Variants in VPS13B observed in about 807,000 individuals in gnomAD.
VPS13B encodes the protein intermembrane lipid transfer protein VPS13B.
In VPS13B, 285 loss-of-function variants were observed where a neutral mutation model predicts 426.4. The observed-to-expected ratio is 0.67, with a 90% CI of 0.61 to 0.74. The LOEUF (loss-of-function observed/expected upper bound fraction) is 0.74. VPS13B is among the 30% of genes least tolerant of loss of function. VPS13B has a pLI of 0.00. For synonymous variants in VPS13B, 1,676 were observed against 1,676.4 expected (o/e 1.00, Z 0.01); for missense variants, 4,537 against 4,782.6 (o/e 0.95, Z 1.51).
intron 39 of VPS13B, among the ~76,000 whole-genome samples, chr8:99,722,193 C>T (rs1354421683): frequency 3.3e-5 from 5 of 152,168 alleles, no homozygotes; most frequent in African/African-American, 7.2e-5. Context: ...CCTTGGTCTT[C>T]GTCAGTCAGG....
intron 23 of VPS13B, among the ~76,000 whole-genome samples, chr8:99,451,965 A>G (rs1818215585): frequency 6.6e-6 from 1 of 152,128 alleles, no homozygotes; most frequent in Non-Finnish European, 1.5e-5. Context: ...AGTAATTTGA[A>G]ATTCCTCTCC....
chr8:99,665,718 A>C lies in VPS13B; in HGVS notation c.6046+4227A>C, dbSNP rs578190497. Among the ~76,000 whole-genome samples, 54 of 152,214 alleles carry C rather than the reference A, an allele frequency of 3.5e-4. 1 individual carries two copies. The highest frequency in any genetic ancestry group is 1.3e-3 in the African/African-American group (53 of 41,526). On this transcript the variant is annotated intron_variant, in intron 35 of 61. Coordinates refer to ENST00000357162, the MANE Select transcript of VPS13B (RefSeq NM_152564.5). ...CCAGTACCATGCTGTTTTGGTTACTATAGCCTTGTAGTATAGTTTGAAGTC... is the reference window on the plus strand; with the variant it reads ...CCAGTACCATGCTGTTTTGGTTACTCTAGCCTTGTAGTATAGTTTGAAGTC...
chr8:99,258,233 T>C (rs1022364830), intron 17 of VPS13B, among the ~76,000 whole-genome samples: 1 of 151,972 alleles, frequency 6.6e-6, no homozygotes, highest in Non-Finnish European at 1.5e-5. Context: ...TCTTTCCATA[T>C]GTGTTATGAA....
At chr8:99,364,388 T>C (rs1385491044) in intron 19 of VPS13B, among the ~76,000 whole-genome samples, 1 of 152,094 alleles carries the variant, frequency 6.6e-6, no homozygotes, top group Non-Finnish European at 1.5e-5. Flanking sequence ...TTGTTGAGGA[T>C]TTTTCCATCA....
chr8:99,184,384 GTCTGTCT>G (rs1813104952), intron 16 of VPS13B, among the ~76,000 whole-genome samples: 1 of 152,022 alleles, frequency 6.6e-6, no homozygotes, highest in East Asian at 1.9e-4. Flanking sequence ...ATTTGTTATT[GTCTGTCT>G]TTTTGATTAT....
In VPS13B at chr8:99,434,014, G is replaced by T. The variant is rs149446993; in HGVS notation, c.3210+2350G>T. 6.1e-3 allele frequency among the ~76,000 whole-genome samples: 925 copies of T among 152,094 alleles called. 13 individuals are homozygous for T. The highest frequency in any genetic ancestry group is 0.021 in the African/African-American group (880 of 41,482). On this transcript the variant is annotated intron_variant, in intron 22 of 61. Coordinates refer to ENST00000357162, the MANE Select transcript of VPS13B (RefSeq NM_152564.5). ...GTAGAGATGGGGTTTCACCATGTTG[G>T]CCAGGCTGGTCTAGAATTTCTGACC... is the stretch of plus-strand genomic sequence containing the variant.
At chr8:99,045,018 G>A (rs940416030) in intron 3 of VPS13B, among the ~76,000 whole-genome samples, 2 of 152,054 alleles carry the variant, frequency 1.3e-5, no homozygotes, top group African/African-American at 4.8e-5. Flanking sequence ...TTAAACCCAT[G>A]TGTGCAAGTA....
chr8:99,814,198 AAAT>A (rs1416626841), intron 44 of VPS13B, among the ~76,000 whole-genome samples: 1 of 152,218 alleles, frequency 6.6e-6, no homozygotes, highest in East Asian at 1.9e-4. Flanking sequence ...TTATTGGTGT[AAAT>A]AATAGTTCAT....
chr8:99,527,781 T>C (rs774251800), intron 30 of VPS13B: 4 of 152,186 alleles, frequency 2.6e-5, no homozygotes, highest in Admixed American at 2.6e-4. Context: ...GATGAAAATA[T>C]TTAAATATGT....
At chr8:99,726,956 T>A (rs1833376557) in intron 39 of VPS13B, among the ~76,000 whole-genome samples, 1 of 152,226 alleles carries the variant, frequency 6.6e-6, no homozygotes, top group Non-Finnish European at 1.5e-5. Context: ...TTATTTTTGC[T>A]CCAGTGGGCA....
chr8:99,663,805 AT>A (rs565730136), intron 35 of VPS13B, among the ~76,000 whole-genome samples: 2 of 152,186 alleles, frequency 1.3e-5, no homozygotes, highest in Non-Finnish European at 2.9e-5. Flanking sequence ...CACTTTGCTC[AT>A]TTTGGCTAGA....
At chr8:99,501,201 A>G (rs1336215899) in intron 25 of VPS13B, among the ~76,000 whole-genome samples, 1 of 152,216 alleles carries the variant, frequency 6.6e-6, no homozygotes, top group Non-Finnish European at 1.5e-5. Context: ...TAGAAGGGGT[A>G]GACAAATATT....
At chr8:99,187,064 T>C (rs1184638212) in intron 16 of VPS13B, among the ~76,000 whole-genome samples, 1 of 152,206 alleles carries the variant, frequency 6.6e-6, no homozygotes, top group Non-Finnish European at 1.5e-5. Context: ...GCTGTAGTTA[T>C]ATGAACATGG....
In VPS13B at chr8:99,817,402, C is replaced by T; in HGVS notation, c.8098-138C>T. ...TTCTTCTTGACTTCAAGTCTTTTTT[C>T]CTTCTTGTACTGTTTAAGCTAATTA... On this transcript the variant is annotated intron_variant, in intron 44 of 61. Transcript: ENST00000357162. 4.3e-6 allele frequency: 5 copies of T among 1,166,294 alleles called. No homozygotes were observed. The Admixed American group carries it at 8.1e-5, about 19-fold the overall frequency. The allele number at this position is 1,166,294 out of a possible 1,614,324, so 72.2% of individuals were successfully genotyped here. A position where few individuals can be genotyped will look rare whatever the true frequency, so the allele number is the denominator to read the frequency against.
At position 99,194,351 on chromosome 8, in the gene VPS13B, C is replaced by CT. The variant is rs1355481912; in HGVS notation, c.2515+1296dup. Among the ~76,000 whole-genome samples the CT allele has an allele frequency of 3.3e-5, 5 of 152,164 alleles. No homozygotes were observed. In the South Asian group the frequency reaches 8.3e-4, roughly 25 times the overall value. ...ATTTGTATCCTCTTTTTGAATTGAA[C>CT]TTACTGCTCCTGTCTAACTGAAACT... On this transcript the variant is annotated intron_variant, in intron 17 of 61. Transcript: ENST00000357162.
At chr8:99,873,860 A>G (rs1182596457) in intron 61 of VPS13B, among the ~76,000 whole-genome samples, 1 of 152,234 alleles carries the variant, frequency 6.6e-6, no homozygotes, top group African/African-American at 2.4e-5. Flanking sequence ...ATCCACAGAC[A>G]TGAGGAAGCC....
intron 16 of VPS13B, among the ~76,000 whole-genome samples, chr8:99,178,061 AATT>A (rs1347236575): frequency 6.6e-6 from 1 of 152,010 alleles, no homozygotes; most frequent in Non-Finnish European, 1.5e-5. Flanking sequence ...CTTGGTTAGT[AATT>A]ATTAAATTTA....
chr8:99,608,123 A>G (rs1827680191), intron 33 of VPS13B, among the ~76,000 whole-genome samples: 1 of 151,342 alleles, frequency 6.6e-6, no homozygotes, highest in Non-Finnish European at 1.5e-5. Context: ...TTAAAACTCA[A>G]CCAGTGGTAG....
At chr8:99,348,930 A>C (rs1184135458) in intron 19 of VPS13B, among the ~76,000 whole-genome samples, 2 of 152,154 alleles carry the variant, frequency 1.3e-5, no homozygotes, top group Non-Finnish European at 2.9e-5. Flanking sequence ...TATTCTGAGA[A>C]AATTTATAAC....
Sources: allele counts gnomAD v4.1 joint callset (sites outside exome capture counted in the v4.1 genomes callset), GRCh38; gene constraint gnomAD v4.1.1; transcripts MANE v1.5; gene names NCBI Gene and HGNC (gene_info 2026-07-23, HGNC 2026-07-21).